FRMPD1: variants seen among roughly 807,000 people sequenced by gnomAD.
FRMPD1 encodes the protein FERM and PDZ domain-containing protein 1.
In FRMPD1, 76 loss-of-function variants were observed where a neutral mutation model predicts 117.8. The observed-to-expected ratio is 0.65, with a 90% CI of 0.54 to 0.78. FRMPD1 has a LOEUF of 0.78. Among genes scored for constraint, FRMPD1 ranks in the 30% least tolerant of loss-of-function variants. The pLI, the probability that FRMPD1 is intolerant of heterozygous loss-of-function variation, is 0.00. For missense variants in FRMPD1, 1,786 were observed against 1,964.5 expected (o/e 0.91, Z 1.72); for synonymous variants, 783 against 770.4 (o/e 1.02, Z -0.27).
chr9:37,695,988 G>C (rs1449646828), intron 2 of FRMPD1, among the ~76,000 whole-genome samples: 2 of 145,832 alleles, frequency 1.4e-5, no homozygotes, highest in African/African-American at 5.1e-5. Flanking sequence ...TCTCTCACCA[G>C]CCCAACTGTC....
chr9:37,682,513 T>C (rs1821763963), intron 1 of FRMPD1, among the ~76,000 whole-genome samples: 1 of 152,210 alleles, frequency 6.6e-6, no homozygotes, highest in African/African-American at 2.4e-5. Flanking sequence ...AACCAGAGGC[T>C]TGACAACTTG....
At chr9:37,632,239 T>C in the FRMPD1 span, among the ~76,000 whole-genome samples, 1 of 152,234 alleles carries the variant, frequency 6.6e-6, no homozygotes, top group African/African-American at 2.4e-5. Context: ...CAGTATCCTA[T>C]TGTTGAACCT....
At chr9:37,692,973 A>C (rs981917540) in intron 2 of FRMPD1, among the ~76,000 whole-genome samples, 4 of 152,046 alleles carry the variant, frequency 2.6e-5, no homozygotes, top group African/African-American at 9.7e-5. Context: ...ACTCACACAC[A>C]CTTACAACAT....
At chr9:37,647,688 C>T (rs1001717724), upstream of FRMPD1, among the ~76,000 whole-genome samples, 9 of 152,040 alleles carry the variant, frequency 5.9e-5, no homozygotes, top group East Asian at 1.9e-4. Flanking sequence ...AGAAGACAGA[C>T]GTGTAAACAA....
chr9:37,711,558 C>T (rs1276258026), intron 5 of FRMPD1, among the ~76,000 whole-genome samples, 163 bp downstream of exon 5: 1 of 152,138 alleles, frequency 6.6e-6, no homozygotes, highest in Non-Finnish European at 1.5e-5. Flanking sequence ...ATCTGAAGAC[C>T]TCCTCCATGC....
intron 1 of FRMPD1, among the ~76,000 whole-genome samples, chr9:37,662,314 C>T (rs1821024900): frequency 2.0e-5 from 3 of 152,226 alleles, no homozygotes; most frequent in Non-Finnish European, 1.5e-5. Flanking sequence ...TATTAGGCCC[C>T]ACCGCCCATC....
At chr9:37,688,208 C>T (rs1183895660) in intron 1 of FRMPD1, among the ~76,000 whole-genome samples, 1 of 149,914 alleles carries the variant, frequency 6.7e-6, no homozygotes, top group East Asian at 1.9e-4. Flanking sequence ...TATACATTTC[C>T]TATTTACAAA....
chr9:37,657,425 AT>A (rs1471601768), intron 1 of FRMPD1, among the ~76,000 whole-genome samples: 1 of 152,232 alleles, frequency 6.6e-6, no homozygotes, highest in Non-Finnish European at 1.5e-5. Flanking sequence ...TATAAAAATA[AT>A]TTATTTAGTA....
chr9:37,721,717 A>G (rs1051919690), intron 6 of FRMPD1, among the ~76,000 whole-genome samples: 19 of 152,350 alleles, frequency 1.2e-4, no homozygotes, highest in African/African-American at 4.6e-4. Flanking sequence ...AACATTTTAA[A>G]TAGCTCCCAA....
intron 6 of FRMPD1, among the ~76,000 whole-genome samples, 159 bp downstream of exon 6, chr9:37,719,335 A>T (rs1032791761): frequency 2.0e-5 from 3 of 152,130 alleles, no homozygotes; most frequent in Non-Finnish European, 4.4e-5. Flanking sequence ...ATGCCTGCAG[A>T]CCCTGGACTG....
At chr9:37,663,049 G>T (rs989944099) in intron 1 of FRMPD1, among the ~76,000 whole-genome samples, 2 of 152,146 alleles carry the variant, frequency 1.3e-5, no homozygotes, top group African/African-American at 4.8e-5. Context: ...TATTTAGTCT[G>T]CCCAATTTAA....
chr9:37,632,854 G>T, the FRMPD1 span, among the ~76,000 whole-genome samples: 1 of 150,086 alleles, frequency 6.7e-6, no homozygotes, highest in Admixed American at 6.6e-5. Flanking sequence ...TCAAAGGGAG[G>T]GATGCTAGAC....
intron 2 of FRMPD1, among the ~76,000 whole-genome samples, chr9:37,705,716 G>A (rs1822678822): frequency 6.6e-6 from 1 of 151,802 alleles, no homozygotes; most frequent in South Asian, 2.1e-4. Flanking sequence ...GGTGGCTCCT[G>A]CCTGTAATCC....
chr9:37,730,903 GT>G, intron 8 of FRMPD1, 80 bp from the exon 9 acceptor site: 1 of 1,420,918 alleles, frequency 7.0e-7, no homozygotes, highest in Non-Finnish European at 9.9e-7. Context: ...CACTGTCTGT[GT>G]TTTATAGAGT....
At chr9:37,664,805 A>G (rs1293162988) in intron 1 of FRMPD1, among the ~76,000 whole-genome samples, 1 of 152,190 alleles carries the variant, frequency 6.6e-6, no homozygotes, top group Non-Finnish European at 1.5e-5. Context: ...TAAATCTAAT[A>G]AATTAGGGGT....
intron 2 of FRMPD1, among the ~76,000 whole-genome samples, chr9:37,695,359 A>C (rs942140987): frequency 4.6e-5 from 7 of 152,090 alleles, no homozygotes; most frequent in Non-Finnish European, 8.8e-5. Flanking sequence ...GTGGGTGTGG[A>C]ATGTTGTCTC....
chr9:37,693,050 A>G, intron 2 of FRMPD1: 1 of 392,336 alleles, frequency 2.5e-6, no homozygotes, highest in South Asian at 3.3e-5. Flanking sequence ...ACGCACATGC[A>G]TATACACTCT....
rs935827664 is a variant in FRMPD1 at position 37,705,672 on chromosome 9, A to G, written c.102-1744A>G. Among the ~76,000 whole-genome samples, 127 of 150,514 alleles carry G rather than the reference A, an allele frequency of 8.4e-4. 1 individual carries two copies. Among genetic ancestry groups the G allele is most frequent in the Non-Finnish European group, 1.5e-4 (10 of 67,708 alleles). On this transcript the variant is annotated intron_variant, in intron 2 of 15. Coordinates refer to ENST00000377765, the MANE Select transcript of FRMPD1 (RefSeq NM_014907.3). ...TAGAAAAACCTTTTTATAGCTCTAA[A>G]TGTTTTTTACAAAATCAGGAATAGG...
At chr9:37,690,395 A>G (rs942689916) in intron 1 of FRMPD1, among the ~76,000 whole-genome samples, 2 of 147,628 alleles carry the variant, frequency 1.4e-5, no homozygotes, top group African/African-American at 4.9e-5. Context: ...TATAGATTGA[A>G]ATTTTTTTTC....
Sources: allele counts gnomAD v4.1 joint callset (sites outside exome capture counted in the v4.1 genomes callset), GRCh38; gene constraint gnomAD v4.1.1; transcripts MANE v1.5; gene names NCBI Gene and HGNC (gene_info 2026-07-23, HGNC 2026-07-21).